The following MPP7 variants were observed in gnomAD, a reference collection of about 807,000 sequenced individuals.
MPP7 encodes the protein MAGUK p55 scaffold protein 7.
In MPP7, 60 loss-of-function variants were observed where a neutral mutation model predicts 76.5. The observed-to-expected ratio is 0.78, with a 90% CI of 0.64 to 0.97. The LOEUF (loss-of-function observed/expected upper bound fraction) is 0.97. Among genes scored for constraint, MPP7 ranks in the 50% least tolerant of loss-of-function variants. The pLI is 0.00. For synonymous variants in MPP7, 237 were observed against 244.5 expected, an observed-to-expected ratio of 0.97 and a Z score of 0.29; for missense variants, 641 against 694.0, an observed-to-expected ratio of 0.92 and a Z score of 0.86.
At position 28,280,552 on chromosome 10, in the gene MPP7, T is replaced by C. The variant is rs1394122025; in HGVS notation, c.-132+22309A>G. Among the ~76,000 whole-genome samples, 4 of 152,170 alleles carry C rather than the reference T, an allele frequency of 2.6e-5. 1 individual carries two copies. The South Asian group carries it at 8.3e-4, about 31-fold the overall frequency. ...CCATGCATACAGGGGCCTGACGGTA[T>C]AGTGATGTCATATGCAGTCCAAATT... is the stretch of plus-strand genomic sequence containing the variant. On this transcript the variant is annotated intron_variant, in intron 1 of 16. Coordinates refer to ENST00000683449, the MANE Select transcript of MPP7 (RefSeq NM_001318170.2).
chr10:28,301,759 C>A (rs573220859), intron 1 of MPP7, among the ~76,000 whole-genome samples: 1 of 152,238 alleles, frequency 6.6e-6, no homozygotes, highest in Non-Finnish European at 1.5e-5. Flanking sequence ...CTATGAGCTT[C>A]ACGATTAAAT....
chr10:28,240,473 T>G (rs1839231271), intron 1 of MPP7, among the ~76,000 whole-genome samples: 1 of 152,192 alleles, frequency 6.6e-6, no homozygotes, highest in African/African-American at 2.4e-5. Flanking sequence ...TGTAATACCT[T>G]GAATTTTCCT....
intron 12 of MPP7, among the ~76,000 whole-genome samples, chr10:28,073,666 A>C (rs1033160481): frequency 3.3e-5 from 5 of 152,064 alleles, no homozygotes; most frequent in African/African-American, 9.7e-5. Flanking sequence ...GCTACTTGGG[A>C]GGCTGAGGCA....
At chr10:28,325,975 CAAA>C (rs71281552) in intron 2 of MPP7, among the ~76,000 whole-genome samples, 30 of 96,348 alleles carry the variant, frequency 3.1e-4, no homozygotes, top group African/African-American at 6.0e-4. Flanking sequence ...GACCTCATCT[CAAA>C]AAAAAAAAAA....
At chr10:28,195,337 G>C (rs1332482700) in intron 3 of MPP7, among the ~76,000 whole-genome samples, 3 of 152,058 alleles carry the variant, frequency 2.0e-5, no homozygotes, top group Non-Finnish European at 4.4e-5. Flanking sequence ...AGTCTAACAG[G>C]TCTTCATAAA....
chr10:28,057,877 T>C, intron 15 of MPP7: 1 of 1,214,778 alleles, frequency 8.2e-7, no homozygotes. Flanking sequence ...TGCTGTGGGC[T>C]GGGGATCTGC....
At chr10:28,230,797 C>CA (rs1489045811) in intron 2 of MPP7, among the ~76,000 whole-genome samples, 14 of 152,142 alleles carry the variant, frequency 9.2e-5, no homozygotes, top group Non-Finnish European at 2.1e-4. Context: ...GCCTGGGAGA[C>CA]AGAGCGAGAA....
intron 11 of MPP7, chr10:28,119,140 C>A (rs571797713): frequency 1.6e-5 from 14 of 864,254 alleles, no homozygotes; most frequent in Middle Eastern, 5.9e-4. Flanking sequence ...GTCTTTCTCT[C>A]ATTTTCTTTT....
chr10:28,115,829 T>C (rs1434358825), intron 11 of MPP7, among the ~76,000 whole-genome samples: 1 of 152,220 alleles, frequency 6.6e-6, no homozygotes, highest in African/African-American at 2.4e-5. Context: ...ATGTTTTCTT[T>C]TTACCTGCAT....
intron 11 of MPP7, chr10:28,117,985 T>C (rs1834710267): frequency 7.3e-6 from 3 of 409,892 alleles, no homozygotes; most frequent in Non-Finnish European, 6.6e-6. Flanking sequence ...CTGAATGGTA[T>C]TCAAGAGGCA....
chr10:28,058,451 T>A (rs1355971267), intron 15 of MPP7, 44 bp downstream of exon 15: 1 of 1,051,124 alleles, frequency 9.5e-7, no homozygotes, highest in Admixed American at 2.3e-5. Flanking sequence ...GTGCTGTAGA[T>A]GACATGGGTC....
In MPP7 at chr10:28,151,719, T is replaced by C. The variant is rs968209048; in HGVS notation, c.157-1660A>G. 2.6e-5 allele frequency among the ~76,000 whole-genome samples: 4 copies of C among 152,280 alleles called. No individual in the cohort carries two copies. The South Asian group carries it at 6.2e-4, about 24-fold the overall frequency. On this transcript the variant is annotated intron_variant, in intron 3 of 16. Coordinates refer to ENST00000683449, the MANE Select transcript of MPP7 (RefSeq NM_001318170.2). ...GGGACCATCTCATTTTACAGATAAATAGGAGTTAAACAAGTTGCTATGTTC... is the reference window on the plus strand; with the variant it reads ...GGGACCATCTCATTTTACAGATAAACAGGAGTTAAACAAGTTGCTATGTTC...
chr10:28,062,426 C>A (rs1851823436), intron 13 of MPP7, among the ~76,000 whole-genome samples: 1 of 150,952 alleles, frequency 6.6e-6, no homozygotes, highest in Admixed American at 6.6e-5. Flanking sequence ...TAAAATAATC[C>A]AAAAGAAGGC....
chr10:28,271,783 G>A (rs1033433880), intron 1 of MPP7, among the ~76,000 whole-genome samples: 1 of 152,104 alleles, frequency 6.6e-6, no homozygotes, highest in African/African-American at 2.4e-5. Flanking sequence ...AGACCATCTT[G>A]GCTAACATAG....
intron 3 of MPP7, among the ~76,000 whole-genome samples, chr10:28,159,247 T>C (rs1423522150): frequency 1.3e-5 from 2 of 152,260 alleles, no homozygotes; most frequent in African/African-American, 4.8e-5. Flanking sequence ...TAGAACAGTA[T>C]AGCCCAATAG....
rs185402854 is a variant in MPP7, at chr10:28,066,217, A to G, written c.1204+3555T>C. ...CTCCATCTCTACAATCAATCAATCA[A>G]TAAGAAACTTCCCACAGAGGAGCAA... is the stretch of plus-strand genomic sequence containing the variant. On this transcript the variant is annotated intron_variant, in intron 13 of 16. Coordinates refer to ENST00000683449, the MANE Select transcript of MPP7 (RefSeq NM_001318170.2). 3.3e-5 allele frequency among the ~76,000 whole-genome samples: 5 copies of G among 152,298 alleles called. No homozygotes were observed. In the East Asian group the frequency reaches 7.7e-4, roughly 24 times the overall value.
intron 2 of MPP7, among the ~76,000 whole-genome samples, chr10:28,309,955 G>A (rs577970996): frequency 8.0e-5 from 12 of 150,788 alleles, no homozygotes; most frequent in Non-Finnish European, 1.6e-4. Flanking sequence ...AGATGCTGGC[G>A]CCATGCTCAT....
intron 1 of MPP7, among the ~76,000 whole-genome samples, chr10:28,242,122 T>C (rs12354769): frequency 0.16 from 24,667 of 152,108 alleles, 2,323 homozygotes; most frequent in African/African-American, 0.26. Flanking sequence ...AGAAACCAAG[T>C]ACTTTTCAAA....
chr10:28,262,264 T>TATATATATATAC, intron 1 of MPP7, among the ~76,000 whole-genome samples: 4 of 58,724 alleles, frequency 6.8e-5, no homozygotes, highest in Non-Finnish European at 1.3e-4. Flanking sequence ...TATATGTATA[T>TATATATATATAC]ATATATATAT....
Sources: allele counts gnomAD v4.1 joint callset (sites outside exome capture counted in the v4.1 genomes callset), GRCh38; gene constraint gnomAD v4.1.1; transcripts MANE v1.5; gene names NCBI Gene and HGNC (gene_info 2026-07-23, HGNC 2026-07-21).